Variants in ACLY observed in about 807,000 individuals in gnomAD.
The protein encoded by ACLY is ATP-citrate synthase.
Under a neutral mutation model 133.0 loss-of-function variants are expected in ACLY, and 41 were observed. The ratio of observed to expected loss-of-function variants is 0.31; its 90% CI spans 0.24 to 0.40. The LOEUF (loss-of-function observed/expected upper bound fraction) is 0.40, where lower values mean the gene tolerates loss of function less well. Among genes scored for constraint, ACLY ranks in the 10% least tolerant of loss-of-function variants. ACLY has a pLI of 1.00. For missense variants in ACLY, 1,046 were observed against 1,453.8 expected, an observed-to-expected ratio of 0.72 and a Z score of 4.56; for synonymous variants, 495 against 549.3, an observed-to-expected ratio of 0.90 and a Z score of 1.38.
intron 6 of ACLY, 135 bp downstream of exon 6, chr17:41,908,854 G>A: frequency 4.2e-6 from 3 of 720,494 alleles, no homozygotes; most frequent in Non-Finnish European, 7.4e-6. Flanking sequence ...AACCTGCATG[G>A]GGACCCCTCT....
intron 7 of ACLY, 118 bp downstream of exon 7, chr17:41,907,324 G>A: frequency 5.8e-6 from 4 of 694,536 alleles, no homozygotes; most frequent in Non-Finnish European, 6.6e-6. Context: ...ATGCTTCTCA[G>A]TCTTCCTTTC....
exon 1 of ACLY, chr17:41,930,365 GCCTCATCCCTATT>G: frequency 4.3e-6 from 1 of 232,326 alleles, no homozygotes; most frequent in Non-Finnish European, 8.8e-6. Context: ...TACCACGTAT[GCCTCATCCCTATT>G]CGGAACTTTG....
At chr17:41,908,919 GAATGCC>G in intron 6 of ACLY, 64 bp downstream of exon 6, 1 of 1,307,540 alleles carries the variant, frequency 7.6e-7, no homozygotes, top group Non-Finnish European at 1.1e-6. Context: ...CTGGTTCTCT[GAATGCC>G]AAGGCCAGGG....
intron 17 of ACLY, among the ~76,000 whole-genome samples, chr17:41,886,873 C>T (rs1459256444): frequency 1.3e-5 from 2 of 152,120 alleles, no homozygotes; most frequent in African/African-American, 4.8e-5. Flanking sequence ...CCTGCAATCC[C>T]AACACTTTTG....
intron 16 of ACLY, among the ~76,000 whole-genome samples, chr17:41,889,851 A>G (rs1253420895): frequency 6.6e-6 from 1 of 151,594 alleles, no homozygotes; most frequent in Non-Finnish European, 1.5e-5. Context: ...ATACCCAGCT[A>G]TTTTTTTTAT....
intron 21 of ACLY, 141 bp downstream of exon 21, chr17:41,878,656 G>A (rs2048824632): frequency 9.8e-7 from 1 of 1,025,552 alleles, no homozygotes; most frequent in Admixed American, 2.3e-5. Context: ...AAGAGAAAGA[G>A]GATTTTGAAC....
In ACLY at chr17:41,886,278, T is replaced by C. The variant is rs782529166; in HGVS notation, c.1906A>G (p.Ile636Val). The part of the protein sequence containing the change: ...VGGIKPGCFK[I>V]GNTGGMLDNI... ...TCCAGCATCCCACCTGTGTTGCCAATCTTAAAGCACCCAGGCTTGATGCCT... is the reference window on the plus strand; with the variant it reads ...TCCAGCATCCCACCTGTGTTGCCAACCTTAAAGCACCCAGGCTTGATGCCT... The change falls in exon 18 of 29, where the codon ATT becomes GTT. Residue 636 changes from isoleucine (I) to valine (V), a missense_variant. By Grantham distance (29) the Ile-to-Val change is conservative (BLOSUM62 3). Transcript: ENST00000352035. 3 of 1,613,258 alleles carry C rather than the reference T, an allele frequency of 1.9e-6. No homozygotes were observed. The highest frequency in any genetic ancestry group is 2.7e-5 in the African/African-American group (2 of 74,906).
chr17:41,886,552 G>A (rs1450079858), intron 17 of ACLY, among the ~76,000 whole-genome samples: 2 of 152,148 alleles, frequency 1.3e-5, no homozygotes, highest in Non-Finnish European at 2.9e-5. Flanking sequence ...GTTCAGATAC[G>A]TATACTTGGC....
chr17:41,884,663 TC>T (rs1348527957), intron 18 of ACLY, among the ~76,000 whole-genome samples: 1 of 152,068 alleles, frequency 6.6e-6, no homozygotes, highest in Non-Finnish European at 1.5e-5. Context: ...GGAGGGTGGA[TC>T]ACCTGAGGTC....
rs188802101 is a variant in ACLY at position 41,886,312 on chromosome 17, T to C, written c.1876-4A>G. Reference sequence around the variant, plus strand: ...ACCCAGGCTTGATGCCTCCAACCTGTGGGGGCAGAAACCACAATCAGGGAG... The same window carrying C: ...ACCCAGGCTTGATGCCTCCAACCTGCGGGGGCAGAAACCACAATCAGGGAG... On this transcript the variant is annotated splice_region_variant and splice_polypyrimidine_tract_variant and intron_variant, in intron 17 of 28. Coordinates refer to ENST00000352035, the MANE Select transcript of ACLY (RefSeq NM_001096.3). The C allele has an allele frequency of 3.6e-5, 57 of 1,598,512 alleles. No homozygotes were observed. The African/African-American group carries it at 6.0e-4, about 17-fold the overall frequency.
chr17:41,917,204 G>T (rs1202298495), intron 1 of ACLY, among the ~76,000 whole-genome samples: 1 of 151,402 alleles, frequency 6.6e-6, no homozygotes, highest in Non-Finnish European at 1.5e-5. Context: ...ATACCTATCT[G>T]GGTTTGGGAC....
chr17:41,892,092 C>T (rs561585881), intron 16 of ACLY, among the ~76,000 whole-genome samples, 187 bp downstream of exon 16: 6 of 152,152 alleles, frequency 3.9e-5, no homozygotes, highest in Non-Finnish European at 7.3e-5. Flanking sequence ...GATCATGTGT[C>T]TCCAACCATT....
At chr17:41,908,113 T>G (rs2049781273) in intron 6 of ACLY, among the ~76,000 whole-genome samples, 1 of 152,150 alleles carries the variant, frequency 6.6e-6, no homozygotes, top group Admixed American at 6.5e-5. Flanking sequence ...GCCATTTAGC[T>G]GATTGAGTTA....
upstream of ACLY, among the ~76,000 whole-genome samples, chr17:41,921,242 G>T (rs2050178533): frequency 6.6e-6 from 1 of 152,110 alleles, no homozygotes; most frequent in Admixed American, 6.6e-5. Flanking sequence ...AGGTTGCAGT[G>T]AGCAGAGATC....
At chr17:41,876,408 A>G (rs1555626196) in intron 22 of ACLY, among the ~76,000 whole-genome samples, 1 of 152,122 alleles carries the variant, frequency 6.6e-6, no homozygotes, top group African/African-American at 2.4e-5. Context: ...CCTGTCTGGG[A>G]GGTGTACCCA....
At chr17:41,908,730 C>T (rs2049801393) in intron 6 of ACLY, among the ~76,000 whole-genome samples, 1 of 152,192 alleles carries the variant, frequency 6.6e-6, no homozygotes, top group Non-Finnish European at 1.5e-5. Context: ...TGCCACTGTA[C>T]TCCAGCCTGG....
At chr17:41,905,139 G>C (rs1426021174) in intron 9 of ACLY, among the ~76,000 whole-genome samples, 1 of 152,134 alleles carries the variant, frequency 6.6e-6, no homozygotes, top group African/African-American at 2.4e-5. Flanking sequence ...AAACACAGGT[G>C]GTAAAGGGGC....
intron 15 of ACLY, 73 bp downstream of exon 15, chr17:41,892,960 T>C: frequency 1.3e-6 from 2 of 1,553,628 alleles, no homozygotes; most frequent in Non-Finnish European, 1.7e-6. Context: ...ATTACAGGCA[T>C]GAGCCACTGT....
chr17:41,900,322 C>T (rs189295509), intron 11 of ACLY, among the ~76,000 whole-genome samples: 1 of 150,898 alleles, frequency 6.6e-6, no homozygotes, highest in African/African-American at 2.4e-5. Flanking sequence ...GAGATCGCGC[C>T]ACTGCACTCC....
Sources: gnomAD v4.1 joint callset for allele counts (sites outside exome capture counted in the v4.1 genomes callset) on GRCh38, gnomAD v4.1.1 for gene constraint, MANE v1.5 for transcripts, NCBI Gene and HGNC (gene_info 2026-07-23, HGNC 2026-07-21) for gene names.